The following PRR16 variants were observed in gnomAD, a reference collection of about 807,000 sequenced individuals.
The protein encoded by PRR16 is protein Largen.
In PRR16, 6 loss-of-function variants were observed where a neutral mutation model predicts 18.2. The observed-to-expected ratio is 0.33, with a 90% CI of 0.18 to 0.65. PRR16 has a LOEUF of 0.65. Among genes scored for constraint, PRR16 ranks in the 30% least tolerant of loss-of-function variants. PRR16 has a pLI of 0.74. For synonymous variants in PRR16, 151 were observed against 147.8 expected, an observed-to-expected ratio of 1.02 and a Z score of -0.16; for missense variants, 412 against 376.6, an observed-to-expected ratio of 1.09 and a Z score of -0.78.
chr5:120,664,128 G>A (rs1260109170), intron 1 of PRR16, among the ~76,000 whole-genome samples: 1 of 151,982 alleles, frequency 6.6e-6, no homozygotes, highest in Non-Finnish European at 1.5e-5. Flanking sequence ...ATGAAACCCT[G>A]TCTTTACTAA....
intron 1 of PRR16, among the ~76,000 whole-genome samples, chr5:120,645,575 G>A (rs1452253947): frequency 6.6e-6 from 1 of 152,032 alleles, no homozygotes; most frequent in Non-Finnish European, 1.5e-5. Flanking sequence ...ATCTGGTAAT[G>A]TGATATATAA....
At chr5:120,719,601 T>C in the PRR16 span, among the ~76,000 whole-genome samples, 3 of 152,116 alleles carry the variant, frequency 2.0e-5, no homozygotes, top group African/African-American at 7.2e-5. Flanking sequence ...ATTTGTGACA[T>C]ATTGCATAGC....
intron 1 of PRR16, among the ~76,000 whole-genome samples, chr5:120,636,365 G>C (rs181289033): frequency 6.6e-6 from 1 of 152,074 alleles, no homozygotes; most frequent in African/African-American, 2.4e-5. Flanking sequence ...CACATTACCC[G>C]ACTTCAAACT....
chr5:120,738,674 C>T, the PRR16 span, among the ~76,000 whole-genome samples: 2 of 152,150 alleles, frequency 1.3e-5, no homozygotes, highest in Non-Finnish European at 2.9e-5. Flanking sequence ...TTCTTAAGCA[C>T]AGAGTTCAAA....
chr5:120,519,715 A>G (rs1377101039), intron 1 of PRR16, among the ~76,000 whole-genome samples: 3 of 152,174 alleles, frequency 2.0e-5, no homozygotes, highest in African/African-American at 4.8e-5. Flanking sequence ...TGTGCCAACA[A>G]TGAAAGAGCA....
At chr5:120,613,315 T>A (rs1754392733) in intron 1 of PRR16, among the ~76,000 whole-genome samples, 1 of 152,144 alleles carries the variant, frequency 6.6e-6, no homozygotes. Flanking sequence ...ATATCATATT[T>A]TATCATTGCT....
At chr5:120,564,822 T>C (rs1752684777) in intron 1 of PRR16, among the ~76,000 whole-genome samples, 1 of 151,864 alleles carries the variant, frequency 6.6e-6, no homozygotes, top group South Asian at 2.1e-4. Flanking sequence ...CCATCTCTAC[T>C]AAAAATACAA....
the PRR16 span, among the ~76,000 whole-genome samples, chr5:120,777,273 T>C: frequency 5.3e-5 from 8 of 152,172 alleles, no homozygotes; most frequent in African/African-American, 1.9e-4. Context: ...GCCAGCCATA[T>C]GTCGGACACT....
the PRR16 span, among the ~76,000 whole-genome samples, chr5:120,744,168 C>G: frequency 1.3e-5 from 2 of 148,996 alleles, no homozygotes; most frequent in African/African-American, 2.5e-5. Flanking sequence ...TCAAATTTGT[C>G]TCTTCAATCT....
intron 1 of PRR16, among the ~76,000 whole-genome samples, chr5:120,489,159 C>T (rs1366180291): frequency 1.3e-5 from 2 of 152,154 alleles, no homozygotes; most frequent in Admixed American, 6.5e-5. Flanking sequence ...CTGTAGATGT[C>T]TATTAGGTCC....
intron 1 of PRR16, among the ~76,000 whole-genome samples, chr5:120,678,446 G>C (rs972781024): frequency 2.6e-5 from 4 of 152,092 alleles, no homozygotes; most frequent in Admixed American, 2.0e-4. Context: ...ACCTCACTAG[G>C]CAAATTCTTA....
At chr5:120,575,811 A>G (rs1053655451) in intron 1 of PRR16, among the ~76,000 whole-genome samples, 8 of 152,194 alleles carry the variant, frequency 5.3e-5, no homozygotes, top group Non-Finnish European at 1.2e-4. Context: ...CAATCAAGCA[A>G]GAGAACAAAA....
At chr5:120,497,687 C>T (rs1750302561) in intron 1 of PRR16, among the ~76,000 whole-genome samples, 1 of 151,908 alleles carries the variant, frequency 6.6e-6, no homozygotes, top group African/African-American at 2.4e-5. Flanking sequence ...CAGCTCCCGG[C>T]TGAATTGATT....
chr5:120,719,038 G>T, the PRR16 span, among the ~76,000 whole-genome samples: 2 of 152,188 alleles, frequency 1.3e-5, no homozygotes, highest in East Asian at 3.9e-4. Flanking sequence ...GATTATAAAT[G>T]AATGCTGTTT....
intron 1 of PRR16, among the ~76,000 whole-genome samples, chr5:120,634,472 C>A (rs896464463): frequency 2.0e-5 from 3 of 152,138 alleles, no homozygotes; most frequent in African/African-American, 7.2e-5. Context: ...GGTGAAACGC[C>A]ATCTCTACTA....
At chr5:120,623,760 A>G (rs1296619957) in intron 1 of PRR16, among the ~76,000 whole-genome samples, 2 of 152,114 alleles carry the variant, frequency 1.3e-5, no homozygotes, top group Admixed American at 1.3e-4. Context: ...AATGTAGGTA[A>G]ATGGGTGTTA....
intron 1 of PRR16, among the ~76,000 whole-genome samples, chr5:120,638,728 CAT>C (rs1755327747): frequency 6.6e-6 from 1 of 152,056 alleles, no homozygotes; most frequent in African/African-American, 2.4e-5. Context: ...CGTAGCAACA[CAT>C]ATACCCTAAC....
At chr5:120,536,756 C>T (rs1751729632) in intron 1 of PRR16, among the ~76,000 whole-genome samples, 1 of 152,164 alleles carries the variant, frequency 6.6e-6, no homozygotes, top group Non-Finnish European at 1.5e-5. Context: ...TTAAGATTTA[C>T]TTAGATTAAT....
At chr5:120,655,230 A>G (rs1755925587) in intron 1 of PRR16, among the ~76,000 whole-genome samples, 1 of 151,870 alleles carries the variant, frequency 6.6e-6, no homozygotes, top group African/African-American at 2.4e-5. Flanking sequence ...CTTAATAATG[A>G]ATGCTTATTT....
Sources: allele counts gnomAD v4.1 joint callset (sites outside exome capture counted in the v4.1 genomes callset), GRCh38; gene constraint gnomAD v4.1.1; transcripts MANE v1.5; gene names NCBI Gene and HGNC (gene_info 2026-07-23, HGNC 2026-07-21).